Variants in DYNC2H1 observed in about 807,000 individuals in gnomAD.
The protein encoded by DYNC2H1 is dynein cytoplasmic 2 heavy chain 1, also known as cytoplasmic dynein 2 heavy chain 1.
Under a neutral mutation model 570.0 loss-of-function variants are expected in DYNC2H1, and 410 were observed. That is an observed-to-expected ratio of 0.72 (90% CI 0.66 to 0.78). The LOEUF is 0.78. Ranked by LOEUF, DYNC2H1 falls within the 30% of genes least tolerant of loss-of-function variation. The pLI, the probability that DYNC2H1 is intolerant of heterozygous loss-of-function variation, is 0.00. For missense variants in DYNC2H1, 4,865 were observed against 5,046.4 expected, an observed-to-expected ratio of 0.96 and a Z score of 1.09; for synonymous variants, 1,688 against 1,677.6, an observed-to-expected ratio of 1.01 and a Z score of -0.15.
chr11:103,212,898 T>C (rs1863212988), intron 54 of DYNC2H1, among the ~76,000 whole-genome samples: 1 of 152,152 alleles, frequency 6.6e-6, no homozygotes, highest in Admixed American at 6.6e-5. Context: ...ATTGGGTCAA[T>C]GGTAGTTGTA....
rs1470400278 is a variant in DYNC2H1 at position 103,181,699 on chromosome 11, T to A, written c.6348-58T>A. 2.1e-6 allele frequency: 3 copies of A among 1,458,214 alleles called. No individual in the cohort carries two copies. Among genetic ancestry groups the A allele is most frequent in the Non-Finnish European group, 2.8e-6 (3 of 1,086,366 alleles). The allele number at this position is 1,458,214 out of a possible 1,614,324, so 90.3% of individuals were successfully genotyped here. On this transcript the variant is annotated intron_variant, in intron 39 of 88. Coordinates refer to ENST00000375735, the MANE Select transcript of DYNC2H1 (RefSeq NM_001377.3). This position sits in a 1 kb window ranked among gnomAD's most constrained non-coding sequence, Gnocchi z 5.0. ...ATGTTTATTGGAGAAGAAATTTATT[T>A]TAATGTAAATTGATAATTTCTTCCT...
Position 103,205,088 on chromosome 11 carries a change from G to A in DYNC2H1, c.8454+124G>A. On this transcript the variant is annotated intron_variant, in intron 52 of 88. Coordinates refer to ENST00000375735, the MANE Select transcript of DYNC2H1 (RefSeq NM_001377.3). The surrounding 1 kb of genome is among the most constrained non-coding windows in gnomAD (Gnocchi z 4.5). ...AATTATGGCACCAAACATCTCTTAT[G>A]TTTGGAAATGTCTGTTTTCTTCGTA... is the stretch of plus-strand genomic sequence containing the variant. 1.2e-6 allele frequency: 1 copy of A among 835,952 alleles called. No individual in the cohort carries two copies. Among genetic ancestry groups the A allele is most frequent in the Non-Finnish European group, 1.8e-6 (1 of 565,180 alleles). The allele number at this position is 835,952 out of a possible 1,614,324, so 51.8% of individuals were successfully genotyped here. A position where few individuals can be genotyped will look rare whatever the true frequency, so the allele number is the denominator to read the frequency against.
Position 103,133,504 on chromosome 11 carries a change from T to C in DYNC2H1, c.1954-51T>C, listed in dbSNP as rs1050099181. ...CTTTTGATATAGAATATTGAAACTT[T>C]TGGAAAAAAGAAATACTTATACATA... On this transcript the variant is annotated intron_variant, in intron 13 of 88. Coordinates refer to ENST00000375735, the MANE Select transcript of DYNC2H1 (RefSeq NM_001377.3). This position sits in a 1 kb window ranked among gnomAD's most constrained non-coding sequence, Gnocchi z 4.8. 15 of 1,522,904 alleles carry C rather than the reference T, an allele frequency of 9.8e-6. No individual in the cohort carries two copies. Among genetic ancestry groups the C allele is most frequent in the Non-Finnish European group, 1.3e-5 (15 of 1,138,660 alleles). The allele number at this position is 1,522,904 out of a possible 1,614,324, so 94.3% of individuals were successfully genotyped here.
intron 59 of DYNC2H1, among the ~76,000 whole-genome samples, chr11:103,225,955 A>T (rs1204781050): frequency 6.1e-5 from 9 of 147,622 alleles, no homozygotes; most frequent in East Asian, 6.0e-4. Context: ...ATTCCTAAGT[A>T]TTTTTTTTTT....
rs76833922 is a variant in DYNC2H1 at position 103,173,189 on chromosome 11, C to A, written c.5442C>A (p.Pro1814=). ...LPDNLKQLFR[P]VAMSHPDNEL... Reference sequence around the variant, plus strand: ...ATAATCTTAAACAGCTTTTCAGGCCCGTAGCTATGTCTCATCCAGACAATG... The same window carrying A: ...ATAATCTTAAACAGCTTTTCAGGCCAGTAGCTATGTCTCATCCAGACAATG... The change falls in exon 35 of 89, where the codon CCC becomes CCA. Residue 1814 remains proline, a synonymous_variant. Transcript: ENST00000375735. 6.3e-7 allele frequency: 1 copy of A among 1,599,594 alleles called. No individual in the cohort carries two copies.
intron 84 of DYNC2H1, among the ~76,000 whole-genome samples, chr11:103,429,314 A>G (rs1412871172): frequency 1.3e-5 from 2 of 152,160 alleles, no homozygotes; most frequent in East Asian, 3.8e-4. Flanking sequence ...GAAAGCAAGT[A>G]ATAGAAGATC....
intron 70 of DYNC2H1, among the ~76,000 whole-genome samples, chr11:103,263,870 G>A (rs904037797): frequency 1.1e-4 from 17 of 152,088 alleles, no homozygotes; most frequent in African/African-American, 4.1e-4. Context: ...GAGCAGAACT[G>A]AAGGAGATAG....
chr11:103,255,265 G>A (rs558136038), intron 66 of DYNC2H1, 150 bp from the exon 67 acceptor site: 2 of 810,420 alleles, frequency 2.5e-6, no homozygotes, highest in East Asian at 3.2e-5. Flanking sequence ...AATTGTTGAA[G>A]GTGTCTTATG....
chr11:103,207,588 G>C (rs1862991277), intron 52 of DYNC2H1, among the ~76,000 whole-genome samples: 1 of 152,058 alleles, frequency 6.6e-6, no homozygotes, highest in Non-Finnish European at 1.5e-5. Flanking sequence ...AATGAGGGAG[G>C]AGGCTTTGGA....
chr11:103,109,569 C>T lies in DYNC2H1; in HGVS notation c.-6C>T, dbSNP rs755070815. On this transcript the variant is annotated 5_prime_UTR_variant, in exon 1 of 89. Coordinates refer to ENST00000375735, the MANE Select transcript of DYNC2H1 (RefSeq NM_001377.3). ...TTCCCCCAACTTCCCTCCACCCCTT[C>T]CAATCATGGCGAACGGGACTGCGGA... 4.3e-6 allele frequency: 7 copies of T among 1,613,212 alleles called. No individual in the cohort carries two copies. The South Asian group carries it at 7.7e-5, about 18-fold the overall frequency.
chr11:103,286,060 T>G (rs1202339506), intron 73 of DYNC2H1, among the ~76,000 whole-genome samples, 195 bp from the exon 74 acceptor site: 1 of 152,218 alleles, frequency 6.6e-6, no homozygotes, highest in Non-Finnish European at 1.5e-5. Flanking sequence ...GGAAGTGTAT[T>G]TTAATTCTGG....
At chr11:103,235,575 A>AT in intron 61 of DYNC2H1, 97 bp from the exon 62 acceptor site, 1 of 1,191,958 alleles carries the variant, frequency 8.4e-7, no homozygotes, top group Non-Finnish European at 1.1e-6. Context: ...ATTACCTGTG[A>AT]TTTTCCCCCT....
intron 82 of DYNC2H1, among the ~76,000 whole-genome samples, chr11:103,331,803 C>T (rs1225341752): frequency 2.0e-5 from 3 of 152,006 alleles, no homozygotes; most frequent in Non-Finnish European, 4.4e-5. Flanking sequence ...GGCTCACGCC[C>T]GTAATCCCAG....
intron 84 of DYNC2H1, among the ~76,000 whole-genome samples, chr11:103,424,705 C>A (rs369198376): frequency 2.9e-3 from 384 of 130,738 alleles, no homozygotes; most frequent in African/African-American, 4.4e-3. Flanking sequence ...ACTGGCTCTC[C>A]AAAAAAAAAA....
chr11:103,153,194 G>T (rs925634188), intron 21 of DYNC2H1, 109 bp from the exon 22 acceptor site: 2 of 894,108 alleles, frequency 2.2e-6, no homozygotes, highest in African/African-American at 1.8e-5. Flanking sequence ...AGTTGACATT[G>T]GTCATTGATA....
intron 84 of DYNC2H1, among the ~76,000 whole-genome samples, chr11:103,411,160 A>G (rs1283839135): frequency 6.6e-6 from 1 of 152,136 alleles, no homozygotes; most frequent in African/African-American, 2.4e-5. Context: ...TTAGAATATG[A>G]GGAAAGAAGA....
intron 22 of DYNC2H1, among the ~76,000 whole-genome samples, chr11:103,154,174 A>G (rs1378452310): frequency 4.0e-5 from 6 of 151,862 alleles, no homozygotes; most frequent in South Asian, 4.1e-4. Context: ...AAATCTCTCT[A>G]TATTACCAAC....
intron 84 of DYNC2H1, chr11:103,406,371 C>G (rs541175836): frequency 6.6e-6 from 1 of 151,726 alleles, no homozygotes; most frequent in Non-Finnish European, 1.5e-5. Flanking sequence ...ATAAATTAGG[C>G]GTATATAAAA....
At chr11:103,175,691 G>A (rs1555056867) in intron 36 of DYNC2H1, among the ~76,000 whole-genome samples, 1 of 152,176 alleles carries the variant, frequency 6.6e-6, no homozygotes, top group Non-Finnish European at 1.5e-5. Flanking sequence ...TTGTTGCGCA[G>A]TTTGTTAGTT....
Sources: gnomAD v4.1 joint callset for allele counts (sites outside exome capture counted in the v4.1 genomes callset) on GRCh38, gnomAD v4.1.1 for gene constraint, Gnocchi (gnomAD v3.1) non-coding constraint, MANE v1.5 for transcripts, NCBI Gene and HGNC (gene_info 2026-07-23, HGNC 2026-07-21) for gene names.